Variants in SND1 observed in about 807,000 individuals in gnomAD.
SND1 encodes staphylococcal nuclease and tudor domain containing 1.
A neutral mutation model predicts 121.7 loss-of-function variants in SND1; 38 were observed. That is an observed-to-expected ratio of 0.31 (90% confidence interval 0.24 to 0.41). SND1 has a LOEUF of 0.41. Ranked by LOEUF, SND1 falls within the 10% of genes least tolerant of loss-of-function variation. SND1 has a pLI of 1.00. For synonymous variants in SND1, 401 were observed against 447.4 expected, an observed-to-expected ratio of 0.90 and a Z score of 1.31; for missense variants, 868 against 1,184.6, an observed-to-expected ratio of 0.73 and a Z score of 3.92.
chr7:128,030,571 G>A (rs1267403960), intron 16 of SND1: 2 of 1,609,796 alleles, frequency 1.2e-6, no homozygotes, highest in Non-Finnish European at 1.7e-6. Context: ...TGCGCCGTGA[G>A]GTAGACGAAC....
intron 10 of SND1, among the ~76,000 whole-genome samples, chr7:127,786,736 C>T (rs1305064371): frequency 1.3e-5 from 2 of 152,116 alleles, no homozygotes; most frequent in Non-Finnish European, 2.9e-5. Flanking sequence ...CTCCGCCTCC[C>T]GGGTTCACGC....
At chr7:127,937,995 A>C (rs936632638) in intron 15 of SND1, among the ~76,000 whole-genome samples, 1 of 152,236 alleles carries the variant, frequency 6.6e-6, no homozygotes, top group Admixed American at 6.5e-5. Context: ...AATTCCTTTC[A>C]GATGCTTTAA....
intron 16 of SND1, among the ~76,000 whole-genome samples, chr7:128,072,186 C>T (rs1292777846): frequency 1.3e-5 from 2 of 152,210 alleles, no homozygotes; most frequent in African/African-American, 4.8e-5. Context: ...TAGACAGCAA[C>T]TGTGCGTGCC....
intron 16 of SND1, among the ~76,000 whole-genome samples, chr7:128,035,382 T>C (rs1377000497): frequency 6.6e-6 from 1 of 152,226 alleles, no homozygotes; most frequent in African/African-American, 2.4e-5. Flanking sequence ...TCATTTAATC[T>C]AGAGATCCAC....
At chr7:127,742,070 T>C (rs181437729) in intron 10 of SND1, among the ~76,000 whole-genome samples, 50 of 152,282 alleles carry the variant, frequency 3.3e-4, no homozygotes, top group Admixed American at 1.9e-3. Flanking sequence ...AGAAAGGTGT[T>C]CTTTCTAATC....
At chr7:127,695,960 A>T (rs78269940) in intron 3 of SND1, among the ~76,000 whole-genome samples, 1 of 152,206 alleles carries the variant, frequency 6.6e-6, no homozygotes, top group South Asian at 2.1e-4. Context: ...AGAGAATAAG[A>T]TTGAGGAATG....
intron 14 of SND1, among the ~76,000 whole-genome samples, chr7:127,925,579 T>C (rs1363146372): frequency 1.3e-5 from 2 of 152,070 alleles, no homozygotes; most frequent in Non-Finnish European, 2.9e-5. Flanking sequence ...TCTTAAATCT[T>C]TATTTATATA....
rs551090424 is a variant in SND1, at chr7:127,706,673, C to T, written c.948-884C>T. On this transcript the variant is annotated intron_variant, in intron 8 of 23. Transcript: ENST00000354725. ...TGGGGGAGTGCTCATCATTAAAAAA[C>T]AAGCTTAGACCAGAGAATGCAAATC... Among the ~76,000 whole-genome samples the T allele has an allele frequency of 2.0e-5, 3 of 152,222 alleles. No individual in the cohort carries two copies. In the East Asian group the frequency reaches 5.8e-4, roughly 29 times the overall value.
intron 10 of SND1, among the ~76,000 whole-genome samples, chr7:127,798,626 G>C (rs916643053): frequency 6.6e-6 from 1 of 151,858 alleles, no homozygotes; most frequent in South Asian, 2.1e-4. Flanking sequence ...CTCCAGTGTG[G>C]CTTTCTGCAT....
Position 128,088,499 on chromosome 7 carries a change from C to G in SND1, c.2419-990C>G, listed in dbSNP as rs552465901. ...ATGAATTCTTGCTTTGTCACCCAGG[C>G]TAGAGTGCAGTGGCACAATCTCGGC... On this transcript the variant is annotated intron_variant, in intron 21 of 23. Coordinates refer to ENST00000354725, the MANE Select transcript of SND1 (RefSeq NM_014390.4). 4.2e-3 allele frequency among the ~76,000 whole-genome samples: 564 copies of G among 134,686 alleles called. 2 individuals are homozygous for G. The highest frequency in any genetic ancestry group is 0.012 in the African/African-American group (422 of 35,352). The allele number at this position is 134,686 out of a possible 152,430, so 88.4% of individuals were successfully genotyped here.
intron 10 of SND1, among the ~76,000 whole-genome samples, chr7:127,721,838 A>G (rs1231480291): frequency 6.6e-6 from 1 of 152,220 alleles, no homozygotes; most frequent in Non-Finnish European, 1.5e-5. Context: ...GAATCTTGGT[A>G]TATGTATTCA....
intron 11 of SND1, among the ~76,000 whole-genome samples, chr7:127,836,246 C>A (rs369805225): frequency 6.6e-5 from 10 of 152,204 alleles, no homozygotes; most frequent in African/African-American, 2.4e-4. Flanking sequence ...AATAAGAACA[C>A]TTTCTAAATG....
intron 13 of SND1, among the ~76,000 whole-genome samples, chr7:127,893,148 A>G (rs1207029708): frequency 2.6e-5 from 4 of 152,116 alleles, no homozygotes; most frequent in African/African-American, 7.2e-5. Flanking sequence ...CTGAAGTGTC[A>G]TAAAAATCTT....
chr7:127,762,123 G>A (rs969631914), intron 10 of SND1, among the ~76,000 whole-genome samples: 2 of 152,164 alleles, frequency 1.3e-5, no homozygotes, highest in Non-Finnish European at 2.9e-5. Context: ...GCCACACCGA[G>A]CTTGATTTTA....
rs1239560198 is a variant in SND1, at chr7:128,052,667, C to T, written c.1780-21835C>T. Among the ~76,000 whole-genome samples, 2 of 152,218 alleles carry T rather than the reference C, an allele frequency of 1.3e-5. No homozygotes were observed. The highest frequency in any genetic ancestry group is 4.8e-5 in the African/African-American group (2 of 41,446). On this transcript the variant is annotated intron_variant, in intron 16 of 23. Transcript: ENST00000354725. The surrounding 1 kb of genome is among the most constrained non-coding windows in gnomAD (Gnocchi z 4.6). Reference sequence around the variant, plus strand: ...TGCATACCAGGCTGTTTGCTGAACACAACTCGTCCGTCAAGGGAAATCAGA... The same window carrying T: ...TGCATACCAGGCTGTTTGCTGAACATAACTCGTCCGTCAAGGGAAATCAGA...
intron 11 of SND1, among the ~76,000 whole-genome samples, chr7:127,821,427 G>GT (rs993957470): frequency 1.3e-5 from 2 of 152,130 alleles, no homozygotes; most frequent in African/African-American, 2.4e-5. Flanking sequence ...GGATTGGATT[G>GT]TTTTTTCCTG....
chr7:128,018,731 A>G (rs1563090221), intron 16 of SND1, among the ~76,000 whole-genome samples: 1 of 152,154 alleles, frequency 6.6e-6, no homozygotes, highest in Non-Finnish European at 1.5e-5. Context: ...CAGGGGCAAA[A>G]TAAGGGACTC....
chr7:127,993,618 TC>T (rs1786063132), intron 16 of SND1, among the ~76,000 whole-genome samples: 1 of 152,248 alleles, frequency 6.6e-6, no homozygotes, highest in Non-Finnish European at 1.5e-5. Context: ...TTTTACCTGT[TC>T]CCTTGATCAT....
At chr7:127,846,158 C>A (rs979411516) in intron 12 of SND1, among the ~76,000 whole-genome samples, 5 of 152,194 alleles carry the variant, frequency 3.3e-5, no homozygotes, top group African/African-American at 1.2e-4. Context: ...TAATTGACAA[C>A]CTACAATATC....
Sources: allele counts gnomAD v4.1 joint callset (sites outside exome capture counted in the v4.1 genomes callset), GRCh38; gene constraint gnomAD v4.1.1; non-coding constraint Gnocchi (gnomAD v3.1); transcripts MANE v1.5; gene names NCBI Gene and HGNC (gene_info 2026-07-23, HGNC 2026-07-21).